The following GAB2 variants were observed in gnomAD, a reference collection of about 807,000 sequenced individuals.
GAB2 encodes GRB2-associated-binding protein 2.
Under a neutral mutation model 65.5 loss-of-function variants are expected in GAB2, and 26 were observed. The observed-to-expected ratio is 0.40, with a 90% CI of 0.29 to 0.55. The LOEUF (loss-of-function observed/expected upper bound fraction) is 0.55, where lower values mean the gene tolerates loss of function less well. Among genes scored for constraint, GAB2 ranks in the 20% least tolerant of loss-of-function variants. The pLI is 0.53. For synonymous variants in GAB2, 321 were observed against 329.6 expected (o/e 0.97, Z 0.28); for missense variants, 884 against 875.8 (o/e 1.01, Z -0.12).
chr11:78,315,057 C>T (rs1855573342), intron 1 of GAB2, among the ~76,000 whole-genome samples: 1 of 152,108 alleles, frequency 6.6e-6, no homozygotes, highest in Non-Finnish European at 1.5e-5. Flanking sequence ...TGTAGAAAAG[C>T]TTTCAAAGAG....
chr11:78,412,690 A>T (rs1857144440), intron 1 of GAB2, among the ~76,000 whole-genome samples: 1 of 152,222 alleles, frequency 6.6e-6, no homozygotes, highest in African/African-American at 2.4e-5. Context: ...TATTTCTTAC[A>T]ACTAGATGTG....
intron 1 of GAB2, among the ~76,000 whole-genome samples, chr11:78,286,814 T>G (rs1318738238): frequency 6.6e-6 from 1 of 152,170 alleles, no homozygotes; most frequent in Non-Finnish European, 1.5e-5. Flanking sequence ...GTCTGGGAGC[T>G]TCACCTGAAA....
At chr11:78,318,613 G>A (rs572839727) in intron 1 of GAB2, among the ~76,000 whole-genome samples, 1 of 152,206 alleles carries the variant, frequency 6.6e-6, no homozygotes, top group Admixed American at 6.5e-5. Flanking sequence ...TTTGCCTCAA[G>A]CAGCTCCCAC....
At chr11:78,385,607 C>G (rs1856756117) in intron 1 of GAB2, among the ~76,000 whole-genome samples, 1 of 152,104 alleles carries the variant, frequency 6.6e-6, no homozygotes, top group Non-Finnish European at 1.5e-5. Context: ...TTATTAAATA[C>G]CAGAGAACTC....
intron 1 of GAB2, among the ~76,000 whole-genome samples, chr11:78,360,395 T>TAAA (rs60132161): frequency 1.4e-5 from 2 of 139,918 alleles, no homozygotes; most frequent in African/African-American, 2.7e-5. Flanking sequence ...TTTCTGTATT[T>TAAA]AAAAAAAAAA....
chr11:78,326,234 T>C (rs1057015762), intron 1 of GAB2, among the ~76,000 whole-genome samples: 3 of 152,220 alleles, frequency 2.0e-5, no homozygotes, highest in East Asian at 1.9e-4. Flanking sequence ...CCTTGTGTGA[T>C]AGAAAAAGTG....
chr11:78,318,474 T>C (rs1403958073), intron 1 of GAB2, among the ~76,000 whole-genome samples: 1 of 149,432 alleles, frequency 6.7e-6, no homozygotes, highest in Non-Finnish European at 1.5e-5. Flanking sequence ...CCAGTGTGCA[T>C]AGTAGAAATA....
At chr11:78,342,954 A>C (rs910709012) in intron 1 of GAB2, among the ~76,000 whole-genome samples, 2 of 152,176 alleles carry the variant, frequency 1.3e-5, no homozygotes, top group African/African-American at 4.8e-5. Flanking sequence ...GAGGCCCAGA[A>C]AAGTTTAGTG....
intron 1 of GAB2, among the ~76,000 whole-genome samples, chr11:78,281,186 C>T (rs1866325219): frequency 6.6e-6 from 1 of 152,066 alleles, no homozygotes; most frequent in South Asian, 2.1e-4. Context: ...AGAGATCCTC[C>T]CAACTCAGCC....
At chr11:78,280,481 C>A (rs1193659183) in intron 2 of GAB2, 120 bp downstream of exon 2, 1 of 830,362 alleles carries the variant, frequency 1.2e-6, no homozygotes, top group African/African-American at 1.7e-5. Context: ...CACTCTTTAC[C>A]CTTTATCTAT....
intron 1 of GAB2, among the ~76,000 whole-genome samples, chr11:78,331,723 GA>G (rs2060133874): frequency 1.3e-5 from 2 of 151,828 alleles, no homozygotes; most frequent in Non-Finnish European, 2.9e-5. Flanking sequence ...TCTGGGCCTA[GA>G]AAGGGATTAC....
At chr11:78,263,388 T>C (rs1000781414) in intron 2 of GAB2, among the ~76,000 whole-genome samples, 6 of 151,966 alleles carry the variant, frequency 3.9e-5, no homozygotes, top group South Asian at 2.1e-4. Context: ...AATCCCAGCA[T>C]TTTGGGAGGC....
chr11:78,258,605 G>A (rs5792799), intron 2 of GAB2, among the ~76,000 whole-genome samples: 1 of 147,518 alleles, frequency 6.8e-6, no homozygotes, highest in Non-Finnish European at 1.5e-5. Flanking sequence ...TTAATTTTCT[G>A]TTTTTTTTTT....
Position 78,219,092 on chromosome 11 carries a change from T to C in GAB2, c.*180A>G, listed in dbSNP as rs1485483. The C allele has an allele frequency of 0.18, 110,214 of 598,514 alleles. 12,268 individuals carry two copies. The highest frequency in any genetic ancestry group is 0.41 in the East Asian group (14,234 of 34,728). 37.1% of individuals were successfully genotyped at this position (598,514 alleles called of 1,614,324 possible). A position where few individuals can be genotyped will look rare whatever the true frequency, so the allele number is the denominator to read the frequency against. On this transcript the variant is annotated 3_prime_UTR_variant, in exon 10 of 10. Transcript: ENST00000361507. The stretch of plus-strand genomic sequence containing the variant: ...CCCCGAGTGGGCAGAGGAGGTGCCT[T>C]GATCAGGCCCTCACCTCCCAGGGGA...
At chr11:78,243,958 G>T (rs1195483064) in intron 3 of GAB2, among the ~76,000 whole-genome samples, 1 of 152,006 alleles carries the variant, frequency 6.6e-6, no homozygotes, top group Non-Finnish European at 1.5e-5. Context: ...GAACCCAAAA[G>T]AAATAGAAAA....
chr11:78,407,566 G>C (rs1229413286), intron 1 of GAB2, among the ~76,000 whole-genome samples: 4 of 151,822 alleles, frequency 2.6e-5, no homozygotes, highest in Non-Finnish European at 5.9e-5. Flanking sequence ...CTGGGACGCA[G>C]ACATTGCAGT....
intron 1 of GAB2, among the ~76,000 whole-genome samples, chr11:78,390,704 A>G (rs1055185012): frequency 1.3e-5 from 2 of 152,224 alleles, no homozygotes; most frequent in African/African-American, 4.8e-5. Context: ...GTTCATGCAC[A>G]TCACTCCGAA....
chr11:78,252,861 T>G (rs1054078475), intron 2 of GAB2, among the ~76,000 whole-genome samples: 1 of 152,064 alleles, frequency 6.6e-6, no homozygotes, highest in East Asian at 1.9e-4. Context: ...AGGTCCATCA[T>G]CACCAGCCAA....
chr11:78,305,972 A>G (rs1428517328), intron 1 of GAB2, among the ~76,000 whole-genome samples: 2 of 152,186 alleles, frequency 1.3e-5, no homozygotes, highest in Non-Finnish European at 2.9e-5. Context: ...TCTGAGCAAA[A>G]ATATTTTTTA....
Sources: allele counts gnomAD v4.1 joint callset (sites outside exome capture counted in the v4.1 genomes callset), GRCh38; gene constraint gnomAD v4.1.1; transcripts MANE v1.5; gene names NCBI Gene and HGNC (gene_info 2026-07-23, HGNC 2026-07-21).